ZNF362: variants seen among roughly 807,000 people sequenced by gnomAD.
ZNF362 encodes zinc finger protein 362, also known as rotund homolog.
Under a neutral mutation model 42.9 loss-of-function variants are expected in ZNF362, and 11 were observed. That is an observed-to-expected ratio of 0.26 (90% CI 0.16 to 0.42). The LOEUF is 0.42. ZNF362 is among the 20% of genes least tolerant of loss of function. The pLI is 1.00. For missense variants in ZNF362, 362 were observed against 576.2 expected, an observed-to-expected ratio of 0.63 and a Z score of 3.81; for synonymous variants, 255 against 257.3, an observed-to-expected ratio of 0.99 and a Z score of 0.09.
At chr1:33,159,234 T>C in the ZNF362 span, among the ~76,000 whole-genome samples, 10 of 152,094 alleles carry the variant, frequency 6.6e-5, no homozygotes, top group Non-Finnish European at 2.9e-5. This position sits in a 1 kb window ranked among gnomAD's most constrained non-coding sequence, Gnocchi z 4.2. Flanking sequence ...ATAAAGCCTT[T>C]ATATAGTAAC....
chr1:33,259,119 A>G (rs535704549), intron 1 of ZNF362, among the ~76,000 whole-genome samples: 3 of 152,338 alleles, frequency 2.0e-5, no homozygotes, highest in African/African-American at 7.2e-5. Flanking sequence ...AGGGGAAGCT[A>G]CTGGCTGGAA....
intron 6 of ZNF362, among the ~76,000 whole-genome samples, chr1:33,283,690 G>T (rs1371167418): frequency 1.3e-5 from 2 of 152,182 alleles, no homozygotes; most frequent in Non-Finnish European, 2.9e-5. Flanking sequence ...GGGGGACAGA[G>T]TGAGACCCTG....
the ZNF362 span, among the ~76,000 whole-genome samples, chr1:33,215,280 G>C: frequency 1.1e-4 from 17 of 152,116 alleles, no homozygotes; most frequent in African/African-American, 4.1e-4. Flanking sequence ...TTATATGTGG[G>C]AGCTAAAAAT....
the ZNF362 span, among the ~76,000 whole-genome samples, chr1:33,196,674 C>T: frequency 6.6e-6 from 1 of 152,080 alleles, no homozygotes; most frequent in Non-Finnish European, 1.5e-5. Context: ...AAAATTATAG[C>T]ATAGTATACA....
intron 8 of ZNF362, 41 bp downstream of exon 8, chr1:33,295,346 C>T (rs1179438787): frequency 6.3e-7 from 1 of 1,599,672 alleles, no homozygotes; most frequent in Non-Finnish European, 8.5e-7. Context: ...GGGGGAGCCA[C>T]TTCGTCTTCC....
chr1:33,216,813 A>G, the ZNF362 span, among the ~76,000 whole-genome samples: 3 of 151,774 alleles, frequency 2.0e-5, no homozygotes, highest in Admixed American at 1.3e-4. Context: ...AGCACATAGG[A>G]TGGGCCCCCT....
In ZNF362 at chr1:33,259,513, T is replaced by C. The variant is rs528441341; in HGVS notation, c.-89+2859T>C. 7.2e-5 allele frequency among the ~76,000 whole-genome samples: 11 copies of C among 152,334 alleles called. No individual in the cohort carries two copies. The East Asian group carries it at 1.7e-3, about 24-fold the overall frequency. ...GTAAAATGAGGAGCCATTCATTCCTTCTTCTGCCACGGGCTATTTTATTCA... is the reference window on the plus strand; with the variant it reads ...GTAAAATGAGGAGCCATTCATTCCTCCTTCTGCCACGGGCTATTTTATTCA... On this transcript the variant is annotated intron_variant, in intron 1 of 8. Transcript: ENST00000539719.
At chr1:33,241,525 A>G in the ZNF362 span, among the ~76,000 whole-genome samples, 2 of 152,094 alleles carry the variant, frequency 1.3e-5, no homozygotes, top group Admixed American at 6.5e-5. Context: ...TACGAATAAA[A>G]TTTTTTACAA....
At position 33,270,538 on chromosome 1, in the gene ZNF362, CCGTAG is replaced by C; in HGVS notation, c.-36_-32del. The stretch of plus-strand genomic sequence containing the variant: ...ACTGGCTGGGGGTTCAGGGAAAGCT[CCGTAG>C]AAGAGGGAACACTTGAGCTGGGTCT... On this transcript the variant is annotated 5_prime_UTR_variant, in exon 2 of 9. Transcript: ENST00000539719. 1 of 1,402,198 alleles carries C rather than the reference CCGTAG, an allele frequency of 7.1e-7. No homozygotes were observed. Among genetic ancestry groups the C allele is most frequent in the South Asian group, 1.2e-5 (1 of 85,902 alleles). The allele number at this position is 1,402,198 out of a possible 1,614,324, so 86.9% of individuals were successfully genotyped here.
the ZNF362 span, among the ~76,000 whole-genome samples, chr1:33,172,069 A>G: frequency 6.6e-6 from 1 of 152,202 alleles, no homozygotes; most frequent in Admixed American, 6.5e-5. Flanking sequence ...GGCATCAGCC[A>G]TGGCACCGGA....
chr1:33,229,942 G>A, the ZNF362 span, among the ~76,000 whole-genome samples: 773 of 152,248 alleles, frequency 5.1e-3, 12 homozygotes, highest in African/African-American at 0.018. Context: ...GACACAGATA[G>A]ATGAAAAAAG....
the ZNF362 span, among the ~76,000 whole-genome samples, chr1:33,219,191 C>CTGT: frequency 6.6e-6 from 1 of 152,160 alleles, no homozygotes; most frequent in Non-Finnish European, 1.5e-5. Context: ...GTGTGACATT[C>CTGT]ATGACCTCTG....
At chr1:33,277,338 C>T (rs1412494750) in intron 4 of ZNF362, among the ~76,000 whole-genome samples, 2 of 152,186 alleles carry the variant, frequency 1.3e-5, no homozygotes, top group African/African-American at 2.4e-5. Context: ...AGGCAGAGGC[C>T]GGCAGTGTGG....
chr1:33,219,740 T>C, the ZNF362 span, among the ~76,000 whole-genome samples: 1 of 152,090 alleles, frequency 6.6e-6, no homozygotes, highest in Admixed American at 6.5e-5. Flanking sequence ...TCCAGGATGC[T>C]TTCAGCAGTG....
the ZNF362 span, among the ~76,000 whole-genome samples, chr1:33,137,677 G>A: frequency 6.6e-6 from 1 of 152,124 alleles, no homozygotes; most frequent in Non-Finnish European, 1.5e-5. Context: ...GTATGGGCTT[G>A]GGCTGGGAAG....
the ZNF362 span, chr1:33,195,640 A>C: frequency 8.1e-5 from 6 of 74,266 alleles, no homozygotes; most frequent in African/African-American, 2.2e-4. Context: ...ACATATCTAA[A>C]CATAGAAAAG....
chr1:33,286,436 A>C (rs6672814), intron 6 of ZNF362, among the ~76,000 whole-genome samples: 47 of 150,818 alleles, frequency 3.1e-4, no homozygotes, highest in South Asian at 1.7e-3. Context: ...GGAGAGGAGA[A>C]TATTTTGCCA....
At chr1:33,263,713 A>T (rs777894336) in intron 1 of ZNF362, among the ~76,000 whole-genome samples, 1 of 152,192 alleles carries the variant, frequency 6.6e-6, no homozygotes, top group Non-Finnish European at 1.5e-5. Flanking sequence ...GCCCAGCCAC[A>T]TGATGATTAA....
At chr1:33,184,751 C>G in the ZNF362 span, among the ~76,000 whole-genome samples, 3 of 152,038 alleles carry the variant, frequency 2.0e-5, no homozygotes, top group African/African-American at 7.2e-5. Flanking sequence ...TGCAGCAGCC[C>G]AGCTTTCTCC....
Sources: allele counts gnomAD v4.1 joint callset (sites outside exome capture counted in the v4.1 genomes callset), GRCh38; gene constraint gnomAD v4.1.1; non-coding constraint Gnocchi (gnomAD v3.1); transcripts MANE v1.5; gene names NCBI Gene and HGNC (gene_info 2026-07-23, HGNC 2026-07-21).